Variants in NXN observed in about 807,000 individuals in gnomAD.
The protein encoded by NXN is nucleoredoxin.
NXN carries 16 observed loss-of-function variants against 48.6 expected under a neutral mutation model. The observed-to-expected ratio is 0.33, with a 90% CI of 0.22 to 0.50. The LOEUF (loss-of-function observed/expected upper bound fraction) is 0.50, where lower values mean the gene tolerates loss of function less well. NXN is among the 20% of genes least tolerant of loss of function. NXN has a pLI of 0.98. For missense variants in NXN, 492 were observed against 605.5 expected, an observed-to-expected ratio of 0.81 and a Z score of 1.97; for synonymous variants, 281 against 269.6, an observed-to-expected ratio of 1.04 and a Z score of -0.41.
intron 4 of NXN, 22 bp from the exon 5 acceptor site, chr17:819,567 G>T: frequency 6.5e-7 from 1 of 1,538,762 alleles, no homozygotes; most frequent in Non-Finnish European, 8.9e-7. Context: ...CACACGTGGC[G>T]GGCAAGGCTC....
At chr17:947,068 C>A (rs1254079697) in intron 1 of NXN, among the ~76,000 whole-genome samples, 1 of 152,174 alleles carries the variant, frequency 6.6e-6, no homozygotes, top group East Asian at 1.9e-4. Context: ...GGGCCCAGCA[C>A]GGGCCCCCCA....
intron 1 of NXN, among the ~76,000 whole-genome samples, chr17:947,035 G>A (rs1196898052): frequency 1.3e-5 from 2 of 152,176 alleles, no homozygotes; most frequent in Admixed American, 6.5e-5. Context: ...CGCATGAGGA[G>A]AGACGATACA....
At chr17:948,677 G>A (rs1301253694) in intron 1 of NXN, among the ~76,000 whole-genome samples, 1 of 151,976 alleles carries the variant, frequency 6.6e-6, no homozygotes, top group Non-Finnish European at 1.5e-5. Context: ...CAAAACCTAA[G>A]ACAGCTGGGT....
intron 4 of NXN, among the ~76,000 whole-genome samples, chr17:820,922 TAAA>T (rs760861259): frequency 1.2e-4 from 3 of 24,460 alleles, no homozygotes; most frequent in Admixed American, 9.6e-4. Context: ...AGACTCCACC[TAAA>T]AAAAAAAAAA....
chr17:881,535 C>T (rs1393589481), intron 1 of NXN, among the ~76,000 whole-genome samples: 1 of 152,192 alleles, frequency 6.6e-6, no homozygotes, highest in Non-Finnish European at 1.5e-5. Flanking sequence ...TCAGTACAAC[C>T]ACTTTGAAGA....
chr17:802,349 G>A (rs1416573259), intron 7 of NXN, among the ~76,000 whole-genome samples: 1 of 152,158 alleles, frequency 6.6e-6, no homozygotes, highest in Admixed American at 6.5e-5. Flanking sequence ...CCAGCAAACT[G>A]CCTTGGAGCA....
chr17:945,797 C>A (rs1281413279), intron 1 of NXN, among the ~76,000 whole-genome samples: 1 of 152,212 alleles, frequency 6.6e-6, no homozygotes, highest in African/African-American at 2.4e-5. Flanking sequence ...GCTTCCACTG[C>A]TTATCTCTCT....
At chr17:810,079 C>T (rs1423762353) in intron 5 of NXN, among the ~76,000 whole-genome samples, 3 of 111,968 alleles carry the variant, frequency 2.7e-5, no homozygotes, top group Non-Finnish European at 3.6e-5. Flanking sequence ...GTGGCGTGCA[C>T]GTTACGAGTC....
intron 1 of NXN, among the ~76,000 whole-genome samples, chr17:884,971 A>G (rs966519738): frequency 6.6e-6 from 1 of 152,212 alleles, no homozygotes; most frequent in Non-Finnish European, 1.5e-5. Flanking sequence ...GGTGTAAATG[A>G]AAGAAGAATC....
intron 1 of NXN, among the ~76,000 whole-genome samples, chr17:918,256 G>A (rs974780376): frequency 6.6e-6 from 1 of 152,160 alleles, no homozygotes. Context: ...CCAGAACCCT[G>A]GGCCCAAAGG....
intron 5 of NXN, among the ~76,000 whole-genome samples, chr17:815,880 A>C (rs1448771720): frequency 6.6e-6 from 1 of 152,226 alleles, no homozygotes; most frequent in Non-Finnish European, 1.5e-5. Flanking sequence ...GCACACACAG[A>C]GGCCAGTAGG....
At chr17:810,007 C>CTG (rs1555608727) in intron 5 of NXN, among the ~76,000 whole-genome samples, 1 of 114,966 alleles carries the variant, frequency 8.7e-6, no homozygotes, top group East Asian at 2.4e-4. Flanking sequence ...CGTTACGAGT[C>CTG]TGTGAGTGGC....
intron 1 of NXN, among the ~76,000 whole-genome samples, chr17:943,861 A>T (rs1364199085): frequency 6.6e-6 from 1 of 151,836 alleles, no homozygotes; most frequent in Non-Finnish European, 1.5e-5. Flanking sequence ...ACAGTAAATT[A>T]TGTTATGTAT....
chr17:846,670 A>ATT (rs200975642), intron 1 of NXN, among the ~76,000 whole-genome samples: 2 of 150,476 alleles, frequency 1.3e-5, no homozygotes, highest in South Asian at 4.2e-4. Context: ...TAAACATTTG[A>ATT]TTTTTTTTTA....
chr17:940,791 T>C (rs948448773), intron 1 of NXN, among the ~76,000 whole-genome samples: 4 of 147,538 alleles, frequency 2.7e-5, no homozygotes, highest in Non-Finnish European at 5.9e-5. Flanking sequence ...GGATTTCCAG[T>C]GAAATAGATT....
intron 1 of NXN, among the ~76,000 whole-genome samples, chr17:853,724 T>TATATATATATATATATATATACATA (rs61572573): frequency 2.9e-5 from 2 of 70,072 alleles, no homozygotes; most frequent in Non-Finnish European, 5.7e-5. Context: ...TATATATATA[T>TATATATATATATATATATATACATA]TTTTTTTTTT....
At chr17:895,534 C>A (rs562503361) in intron 1 of NXN, among the ~76,000 whole-genome samples, 4 of 151,482 alleles carry the variant, frequency 2.6e-5, no homozygotes, top group Admixed American at 6.6e-5. Context: ...CCAATGTGGC[C>A]GGGCGCAGTG....
intron 5 of NXN, among the ~76,000 whole-genome samples, chr17:817,125 T>C (rs1328269066): frequency 1.3e-5 from 2 of 152,070 alleles, no homozygotes; most frequent in African/African-American, 4.8e-5. Context: ...CGAATGGATC[T>C]AGACTATTAA....
rs2068878031 is a variant in NXN at position 933,778 on chromosome 17, G to A, written c.360+45541C>T. Among the ~76,000 whole-genome samples, 3 of 152,046 alleles carry A rather than the reference G, an allele frequency of 2.0e-5. No homozygotes were observed. The South Asian group carries it at 6.2e-4, about 31-fold the overall frequency. The stretch of plus-strand genomic sequence containing the variant: ...GAAAGCTGTTTATCCTGAAGCCTAC[G>A]TGGTCAACTTTAGAAATGTGCCTTC... On this transcript the variant is annotated intron_variant, in intron 1 of 7. Transcript: ENST00000336868.
Sources: allele counts gnomAD v4.1 joint callset (sites outside exome capture counted in the v4.1 genomes callset), GRCh38; gene constraint gnomAD v4.1.1; transcripts MANE v1.5; gene names NCBI Gene and HGNC (gene_info 2026-07-23, HGNC 2026-07-21).